Variants in PPARGC1A observed in about 807,000 individuals in gnomAD.
PPARGC1A encodes PPARG coactivator 1 alpha.
Under a neutral mutation model 88.7 loss-of-function variants are expected in PPARGC1A, and 25 were observed. That is an observed-to-expected ratio of 0.28 (90% CI 0.21 to 0.39). The LOEUF is 0.39. PPARGC1A is among the 10% of genes least tolerant of loss of function. The pLI, the probability that PPARGC1A is intolerant of heterozygous loss-of-function variation, is 1.00. For synonymous variants in PPARGC1A, 363 were observed against 355.6 expected, an observed-to-expected ratio of 1.02 and a Z score of -0.24; for missense variants, 880 against 968.7, an observed-to-expected ratio of 0.91 and a Z score of 1.22.
the PPARGC1A span, among the ~76,000 whole-genome samples, chr4:24,345,631 G>T: frequency 8.8e-3 from 1,340 of 152,124 alleles, 16 homozygotes; most frequent in African/African-American, 0.02. Flanking sequence ...CATTAATCTT[G>T]TATCCGGAAA....
chr4:24,265,122 TGGGAAATGTGG>T, the PPARGC1A span, among the ~76,000 whole-genome samples: 1 of 152,190 alleles, frequency 6.6e-6, no homozygotes, highest in Non-Finnish European at 1.5e-5. Context: ...GAAAAGACTT[TGGGAAATGTGG>T]GTTTGTTAAA....
chr4:24,151,079 C>T, the PPARGC1A span, among the ~76,000 whole-genome samples: 4 of 152,210 alleles, frequency 2.6e-5, no homozygotes, highest in African/African-American at 4.8e-5. Context: ...GTGAAAACAT[C>T]GTTGCCTCTA....
chr4:23,916,914 T>C, the PPARGC1A span, among the ~76,000 whole-genome samples: 2 of 152,330 alleles, frequency 1.3e-5, no homozygotes, highest in East Asian at 3.9e-4. Flanking sequence ...ACATGACATT[T>C]ATGGATTCCA....
the PPARGC1A span, among the ~76,000 whole-genome samples, chr4:24,405,144 AAT>A: frequency 5.9e-5 from 9 of 152,228 alleles, no homozygotes; most frequent in Non-Finnish European, 1.3e-4. Flanking sequence ...ATAAAAATAA[AAT>A]AGTCAATCAA....
intron 2 of PPARGC1A, among the ~76,000 whole-genome samples, chr4:23,846,620 A>C (rs1453714264): frequency 6.6e-6 from 1 of 152,176 alleles, no homozygotes; most frequent in African/African-American, 2.4e-5. Context: ...TGATCTGTGC[A>C]TCAAAATTAG....
chr4:24,014,623 T>G, the PPARGC1A span, among the ~76,000 whole-genome samples: 1 of 152,098 alleles, frequency 6.6e-6, no homozygotes, highest in Non-Finnish European at 1.5e-5. Flanking sequence ...TTCAGTTCCT[T>G]GCAGTTGTAA....
At chr4:24,104,745 T>C in the PPARGC1A span, among the ~76,000 whole-genome samples, 1 of 152,262 alleles carries the variant, frequency 6.6e-6, no homozygotes, top group East Asian at 1.9e-4. Context: ...AGGTCAACAA[T>C]TAGCTTGGTG....
At chr4:24,199,379 A>G in the PPARGC1A span, among the ~76,000 whole-genome samples, 877 of 152,272 alleles carry the variant, frequency 5.8e-3, 4 homozygotes, top group Non-Finnish European at 9.1e-3. Context: ...CACAGAAAAT[A>G]ATAATAATAA....
At chr4:23,980,178 C>T in the PPARGC1A span, among the ~76,000 whole-genome samples, 1 of 118,094 alleles carries the variant, frequency 8.5e-6, no homozygotes, top group South Asian at 2.9e-4. Context: ...TCCAAACTCC[C>T]AGCCAGCAAA....
chr4:24,148,152 C>A, the PPARGC1A span, among the ~76,000 whole-genome samples: 14 of 152,108 alleles, frequency 9.2e-5, no homozygotes, highest in Non-Finnish European at 1.9e-4. Flanking sequence ...TAACATTTCT[C>A]CCCCCACAAA....
chr4:23,960,889 A>G, the PPARGC1A span, among the ~76,000 whole-genome samples: 1 of 152,192 alleles, frequency 6.6e-6, no homozygotes, highest in Non-Finnish European at 1.5e-5. Flanking sequence ...TGTACATGGT[A>G]AAACCATGGT....
the PPARGC1A span, among the ~76,000 whole-genome samples, chr4:24,136,709 C>T: frequency 6.6e-6 from 1 of 152,162 alleles, no homozygotes; most frequent in Non-Finnish European, 1.5e-5. Context: ...AGACCTGTCT[C>T]AGGAGGGCTG....
intron 12 of PPARGC1A, among the ~76,000 whole-genome samples, chr4:23,801,208 C>T (rs1485059210): frequency 1.3e-5 from 2 of 152,008 alleles, no homozygotes; most frequent in African/African-American, 4.8e-5. Context: ...CACACACACA[C>T]ACACATGAAT....
rs544235488 is a variant in PPARGC1A at position 23,887,524 on chromosome 4, A to G, written c.54+2380T>C. Among the ~76,000 whole-genome samples, 7 of 152,318 alleles carry G rather than the reference A, an allele frequency of 4.6e-5. No homozygotes were observed. The South Asian group carries it at 1.4e-3, about 32-fold the overall frequency. On this transcript the variant is annotated intron_variant, in intron 1 of 12. Coordinates refer to ENST00000264867, the MANE Select transcript of PPARGC1A (RefSeq NM_013261.5). ...CTGCCTCTTTGCAACTATGACAGCT[A>G]TTTCACAACTGTAGCCTCAATTTTA...
At chr4:24,068,412 C>A in the PPARGC1A span, among the ~76,000 whole-genome samples, 1 of 152,212 alleles carries the variant, frequency 6.6e-6, no homozygotes, top group Non-Finnish European at 1.5e-5. Context: ...TCACTGAGCA[C>A]CTACTATACC....
the PPARGC1A span, among the ~76,000 whole-genome samples, chr4:24,347,187 ATGT>A: frequency 6.6e-6 from 1 of 152,076 alleles, no homozygotes; most frequent in African/African-American, 2.4e-5. Context: ...GGCCTATCTT[ATGT>A]TCTATTTTGG....
At chr4:24,327,624 A>G in the PPARGC1A span, among the ~76,000 whole-genome samples, 1 of 151,938 alleles carries the variant, frequency 6.6e-6, no homozygotes, top group African/African-American at 2.4e-5. Flanking sequence ...ACAACCCCAC[A>G]ATATCACCTC....
chr4:24,382,141 TTAGAGAAAACCTA>T, the PPARGC1A span, among the ~76,000 whole-genome samples: 1 of 142,282 alleles, frequency 7.0e-6, no homozygotes, highest in Non-Finnish European at 1.5e-5. Context: ...GAACAAAAAC[TTAGAGAAAACCTA>T]AAAATTCAAC....
chr4:24,188,055 T>C, the PPARGC1A span, among the ~76,000 whole-genome samples: 1 of 152,196 alleles, frequency 6.6e-6, no homozygotes, highest in Non-Finnish European at 1.5e-5. Flanking sequence ...AACATGCCAA[T>C]TATCCTCTAT....
Sources: gnomAD v4.1 joint callset for allele counts (sites outside exome capture counted in the v4.1 genomes callset) on GRCh38, gnomAD v4.1.1 for gene constraint, MANE v1.5 for transcripts, NCBI Gene and HGNC (gene_info 2026-07-23, HGNC 2026-07-21) for gene names.